The following DAB1 variants were observed in gnomAD, a reference collection of about 807,000 sequenced individuals.
DAB1 encodes the protein DAB adaptor protein 1.
Under a neutral mutation model 64.6 loss-of-function variants are expected in DAB1, and 15 were observed. That is an observed-to-expected ratio of 0.23 (90% confidence interval 0.16 to 0.36). The LOEUF is 0.36. Ranked by LOEUF, DAB1 falls within the 10% of genes least tolerant of loss-of-function variation. The pLI is 1.00. For synonymous variants in DAB1, 235 were observed against 251.9 expected, an observed-to-expected ratio of 0.93 and a Z score of 0.64; for missense variants, 596 against 706.7, an observed-to-expected ratio of 0.84 and a Z score of 1.78.
chr1:57,815,262 G>A (rs1003225293), intron 6 of DAB1, among the ~76,000 whole-genome samples: 4 of 151,916 alleles, frequency 2.6e-5, no homozygotes, highest in Non-Finnish European at 4.4e-5. Flanking sequence ...TAGAGATAGC[G>A]TTTCACTGTG....
chr1:57,190,733 G>T (rs1233927558), intron 2 of DAB1, among the ~76,000 whole-genome samples: 1 of 152,096 alleles, frequency 6.6e-6, no homozygotes, highest in Non-Finnish European at 1.5e-5. Flanking sequence ...CCACCACTCA[G>T]AGATCATCCC....
intron 4 of DAB1, among the ~76,000 whole-genome samples, chr1:58,208,561 G>A (rs890010477): frequency 2.6e-5 from 4 of 152,166 alleles, no homozygotes; most frequent in South Asian, 2.1e-4. Flanking sequence ...TTCCATTCCC[G>A]AGTTGCTTCA....
intron 3 of DAB1, among the ~76,000 whole-genome samples, chr1:58,346,310 C>T (rs1643996975): frequency 6.6e-6 from 1 of 152,206 alleles, no homozygotes; most frequent in Non-Finnish European, 1.5e-5. Flanking sequence ...ATGAGAGGAT[C>T]CTGTCCTCTG....
At chr1:57,081,900 G>A (rs895445579) in intron 4 of DAB1, among the ~76,000 whole-genome samples, 1 of 152,100 alleles carries the variant, frequency 6.6e-6, no homozygotes, top group Admixed American at 6.5e-5. Context: ...TTCAGTGAAA[G>A]AAAAATGAGA....
At chr1:58,305,220 C>G (rs1662278517) in intron 4 of DAB1, among the ~76,000 whole-genome samples, 1 of 152,164 alleles carries the variant, frequency 6.6e-6, no homozygotes, top group Non-Finnish European at 1.5e-5. Context: ...GTGTGGATAA[C>G]TGTGCCCTGC....
chr1:57,945,782 C>A (rs1393951010), intron 5 of DAB1, among the ~76,000 whole-genome samples: 1 of 152,186 alleles, frequency 6.6e-6, no homozygotes, highest in African/African-American at 2.4e-5. Context: ...CCAAAGCCTA[C>A]CTGTCAATCC....
At chr1:58,483,383 C>T (rs1387324067) in intron 3 of DAB1, among the ~76,000 whole-genome samples, 4 of 152,110 alleles carry the variant, frequency 2.6e-5, no homozygotes, top group Non-Finnish European at 4.4e-5. Context: ...TAGTCAGATG[C>T]GAGCCAGATA....
chr1:57,522,694 G>C, intron 7 of DAB1, among the ~76,000 whole-genome samples: 1 of 152,298 alleles, frequency 6.6e-6, no homozygotes, highest in East Asian at 1.9e-4. Context: ...GTTCCTGGGT[G>C]TGTCTGTGAG....
chr1:57,744,784 C>T (rs752875979), intron 6 of DAB1, among the ~76,000 whole-genome samples: 1 of 152,144 alleles, frequency 6.6e-6, no homozygotes, highest in Non-Finnish European at 1.5e-5. Context: ...GCACATACAT[C>T]CTCAGCACAG....
rs144972076 is a variant in DAB1 at position 57,491,155 on chromosome 1, G to A, written n.625+158437C>T. Among the ~76,000 whole-genome samples the A allele has an allele frequency of 2.6e-5, 4 of 152,244 alleles. No homozygotes were observed. In the East Asian group the frequency reaches 7.7e-4, roughly 29 times the overall value. Reference sequence around the variant, plus strand: ...ATAACAATATATTTTTTGGCTGGGCGCGGTGGCTCACGCCTGTAATCCCAG... The same window carrying A: ...ATAACAATATATTTTTTGGCTGGGCACGGTGGCTCACGCCTGTAATCCCAG... On this transcript the variant is annotated intron_variant and non_coding_transcript_variant, in intron 7 of 20. Transcript: ENST00000485760.
chr1:57,089,698 C>T (rs1653462464), intron 4 of DAB1, among the ~76,000 whole-genome samples: 1 of 152,152 alleles, frequency 6.6e-6, no homozygotes, highest in Admixed American at 6.6e-5. Flanking sequence ...TCCCACCAGG[C>T]CCCACCTCCA....
At chr1:57,216,758 A>T (rs61439451) in intron 2 of DAB1, among the ~76,000 whole-genome samples, 6,178 of 152,224 alleles carry the variant, frequency 0.041, 414 homozygotes, top group African/African-American at 0.14. Context: ...TTGCAAGGTA[A>T]CCTTGCAAGA....
chr1:58,194,291 GGCCTCTCTGA>G (rs1657550715), intron 4 of DAB1, among the ~76,000 whole-genome samples: 1 of 152,064 alleles, frequency 6.6e-6, no homozygotes, highest in East Asian at 1.9e-4. Context: ...TATTTCAACT[GGCCTCTCTGA>G]GCCTATAAAA....
At chr1:57,954,078 T>C (rs2100248103) in intron 5 of DAB1, among the ~76,000 whole-genome samples, 1 of 152,266 alleles carries the variant, frequency 6.6e-6, no homozygotes, top group Non-Finnish European at 1.5e-5. Flanking sequence ...ACTAATTCAC[T>C]ATCAATCCTC....
intron 1 of DAB1, among the ~76,000 whole-genome samples, chr1:57,374,271 G>A (rs1680727622): frequency 2.6e-5 from 4 of 152,156 alleles, no homozygotes; most frequent in Admixed American, 2.6e-4. Flanking sequence ...GAATAGATAA[G>A]CATTTTTGTC....
intron 1 of DAB1, among the ~76,000 whole-genome samples, chr1:57,326,777 T>G (rs1200525576): frequency 6.6e-6 from 1 of 152,106 alleles, no homozygotes; most frequent in Non-Finnish European, 1.5e-5. Context: ...AATCCCATCA[T>G]GAGAGTACCA....
chr1:58,025,593 C>A (rs1341028778), intron 5 of DAB1, among the ~76,000 whole-genome samples: 5 of 142,778 alleles, frequency 3.5e-5, no homozygotes, highest in South Asian at 2.2e-4. Context: ...TTATTTCTTT[C>A]TCTTGTCTCC....
intron 2 of DAB1, among the ~76,000 whole-genome samples, chr1:57,169,685 A>G (rs1029485459): frequency 2.6e-5 from 4 of 152,096 alleles, no homozygotes; most frequent in African/African-American, 9.7e-5. Flanking sequence ...CTCAATAACT[A>G]ATCAGGCTCC....
At chr1:57,608,180 G>A (rs1645680486) in intron 7 of DAB1, among the ~76,000 whole-genome samples, 2 of 152,050 alleles carry the variant, frequency 1.3e-5, no homozygotes, top group Non-Finnish European at 2.9e-5. Flanking sequence ...CATATGACAT[G>A]TAATATAAAA....
Sources: gnomAD v4.1 joint callset for allele counts (sites outside exome capture counted in the v4.1 genomes callset) on GRCh38, gnomAD v4.1.1 for gene constraint, MANE v1.5 for transcripts, NCBI Gene and HGNC (gene_info 2026-07-23, HGNC 2026-07-21) for gene names.